Variants in STX8 observed in about 807,000 individuals in gnomAD.
STX8 encodes syntaxin 8.
Under a neutral mutation model 37.5 loss-of-function variants are expected in STX8, and 23 were observed. That is an observed-to-expected ratio of 0.61 (90% CI 0.44 to 0.87). STX8 has a LOEUF of 0.87. Among genes scored for constraint, STX8 ranks in the 40% least tolerant of loss-of-function variants. STX8 has a pLI of 0.00. For synonymous variants in STX8, 115 were observed against 99.1 expected (o/e 1.16, Z -0.95); for missense variants, 313 against 284.7 (o/e 1.10, Z -0.71).
intron 7 of STX8, among the ~76,000 whole-genome samples, chr17:9,296,651 A>G (rs1908560544): frequency 6.6e-6 from 1 of 150,692 alleles, no homozygotes; most frequent in African/African-American, 2.4e-5. Context: ...AAAACAAACC[A>G]AGGGCATTTC....
rs1416749619 is a variant in STX8, at chr17:9,406,758, TGA to T, written c.542-28107_542-28106del. Among the ~76,000 whole-genome samples the T allele has an allele frequency of 2.6e-5, 4 of 152,352 alleles. No homozygotes were observed. In the East Asian group the frequency reaches 7.7e-4, roughly 29 times the overall value. The stretch of plus-strand genomic sequence containing the variant: ...GTGTTTCTAGACTATACAATTCATC[TGA>T]GAGTTTTTTCAAATTGTCACAAATC... On this transcript the variant is annotated intron_variant, in intron 6 of 7. Transcript: ENST00000306357.
At chr17:9,354,277 C>A (rs1910803356) in intron 7 of STX8, among the ~76,000 whole-genome samples, 1 of 146,848 alleles carries the variant, frequency 6.8e-6, no homozygotes, top group African/African-American at 2.5e-5. Context: ...GCTTCCATTT[C>A]TGTATTACTT....
chr17:9,350,041 T>C (rs576472318), intron 7 of STX8, among the ~76,000 whole-genome samples: 2 of 152,152 alleles, frequency 1.3e-5, no homozygotes, highest in East Asian at 3.9e-4. Context: ...ATGTCAGCAG[T>C]GTGACACTGC....
intron 7 of STX8, among the ~76,000 whole-genome samples, chr17:9,356,871 C>T (rs1413813027): frequency 6.6e-6 from 1 of 151,770 alleles, no homozygotes; most frequent in Non-Finnish European, 1.5e-5. Context: ...CTTTGCTCTC[C>T]TAGGCTTAAG....
intron 4 of STX8, among the ~76,000 whole-genome samples, chr17:9,523,857 A>G (rs1377503859): frequency 6.6e-6 from 1 of 152,254 alleles, no homozygotes; most frequent in African/African-American, 2.4e-5. Flanking sequence ...CAGCTGATAT[A>G]CAAAAATCCA....
chr17:9,268,544 AT>A (rs1907315280), intron 7 of STX8, among the ~76,000 whole-genome samples: 2 of 152,176 alleles, frequency 1.3e-5, no homozygotes, highest in Admixed American at 6.5e-5. Flanking sequence ...ATTCAGTACT[AT>A]CCCCAAACAA....
intron 7 of STX8, among the ~76,000 whole-genome samples, chr17:9,251,142 T>G (rs567977876): frequency 6.6e-6 from 1 of 152,350 alleles, no homozygotes; most frequent in African/African-American, 2.4e-5. Context: ...TAGAGGTGCT[T>G]GTTTTGATAT....
chr17:9,388,828 AAC>A (rs1334261397), intron 6 of STX8, among the ~76,000 whole-genome samples: 2 of 147,102 alleles, frequency 1.4e-5, no homozygotes, highest in Non-Finnish European at 3.0e-5. Flanking sequence ...AAAAAAAAAA[AAC>A]CATACATTTT....
chr17:9,500,576 C>T (rs1904573754), intron 5 of STX8, among the ~76,000 whole-genome samples: 1 of 152,088 alleles, frequency 6.6e-6, no homozygotes, highest in Non-Finnish European at 1.5e-5. Flanking sequence ...CTTTGAGTCT[C>T]GAGCTGAGTG....
chr17:9,251,749 C>T (rs939165445), intron 7 of STX8, among the ~76,000 whole-genome samples: 1 of 152,264 alleles, frequency 6.6e-6, no homozygotes, highest in African/African-American at 2.4e-5. Context: ...TCCAAGTTCA[C>T]GGGCTTCCCG....
intron 7 of STX8, among the ~76,000 whole-genome samples, chr17:9,368,455 T>C (rs1911301085): frequency 6.6e-6 from 1 of 152,040 alleles, no homozygotes; most frequent in East Asian, 1.9e-4. Flanking sequence ...ACTGAGCCAC[T>C]CTACTCCAGC....
At chr17:9,546,730 T>A (rs146556770) in intron 3 of STX8, among the ~76,000 whole-genome samples, 388 of 150,218 alleles carry the variant, frequency 2.6e-3, no homozygotes, top group African/African-American at 9.2e-3. Context: ...CCTGAGTAGC[T>A]GGGACTACAG....
At chr17:9,286,528 T>G (rs1908077506) in intron 7 of STX8, among the ~76,000 whole-genome samples, 1 of 152,200 alleles carries the variant, frequency 6.6e-6, no homozygotes, top group Non-Finnish European at 1.5e-5. Context: ...TGCAGCGATA[T>G]TTCACCTCAA....
chr17:9,505,100 GGCTCCTCAAAGA>G lies in STX8; in HGVS notation c.374_385del (p.Leu125_Glu128del). 1 of 1,613,766 alleles carries G rather than the reference GGCTCCTCAAAGA, an allele frequency of 6.2e-7. No homozygotes were observed. The highest frequency in any genetic ancestry group is 8.5e-7 in the Non-Finnish European group (1 of 1,179,976). On this transcript the variant is annotated inframe_deletion, in exon 5 of 8. Transcript: ENST00000306357. Reference sequence around the variant, plus strand: ...AAAACCCAAGCCTCTGGTCTCCTCTGGCTCCTCAAAGAGCCAAGGGTTGGGTGCTCCTCGCTT... The same window carrying G: ...AAAACCCAAGCCTCTGGTCTCCTCTGGCCAAGGGTTGGGTGCTCCTCGCTT...
At chr17:9,428,421 T>C (rs12150250) in intron 6 of STX8, among the ~76,000 whole-genome samples, 33,698 of 152,086 alleles carry the variant, frequency 0.22, 3,987 homozygotes, top group Middle Eastern at 0.29. Flanking sequence ...TTTGTATTTT[T>C]AGTAGAGACG....
chr17:9,265,465 T>C (rs1021793420), intron 7 of STX8, among the ~76,000 whole-genome samples: 2 of 152,244 alleles, frequency 1.3e-5, no homozygotes, highest in Non-Finnish European at 2.9e-5. Context: ...CAAATGCACA[T>C]TGCCCCTGCC....
chr17:9,265,123 G>GA (rs61526336), intron 7 of STX8, among the ~76,000 whole-genome samples: 3,480 of 72,596 alleles, frequency 0.048, 137 homozygotes, highest in African/African-American at 0.14. Flanking sequence ...AGTCTGAAAA[G>GA]AAAAAAAAAA....
chr17:9,505,798 C>T (rs1904800776), intron 4 of STX8, among the ~76,000 whole-genome samples: 1 of 151,918 alleles, frequency 6.6e-6, no homozygotes, highest in Non-Finnish European at 1.5e-5. Flanking sequence ...AAAAATTAGC[C>T]GGGCTTGGCG....
chr17:9,402,855 C>T (rs552469755), intron 6 of STX8, among the ~76,000 whole-genome samples: 1 of 152,294 alleles, frequency 6.6e-6, no homozygotes, highest in African/African-American at 2.4e-5. Context: ...TGTTTTTCTT[C>T]TTCCTGCTAA....
Sources: gnomAD v4.1 joint callset for allele counts (sites outside exome capture counted in the v4.1 genomes callset) on GRCh38, gnomAD v4.1.1 for gene constraint, MANE v1.5 for transcripts, NCBI Gene and HGNC (gene_info 2026-07-23, HGNC 2026-07-21) for gene names.